Variants in AADAT observed in about 807,000 individuals in gnomAD.
AADAT encodes the protein kynurenine/alpha-aminoadipate aminotransferase, mitochondrial.
A neutral mutation model predicts 56.2 loss-of-function variants in AADAT; 25 were observed. The ratio of observed to expected loss-of-function variants is 0.44; its 90% CI spans 0.32 to 0.62. The LOEUF (loss-of-function observed/expected upper bound fraction) is 0.62, where lower values mean the gene tolerates loss of function less well. Among genes scored for constraint, AADAT ranks in the 20% least tolerant of loss-of-function variants. The pLI, the probability that AADAT is intolerant of heterozygous loss-of-function variation, is 0.04. For synonymous variants in AADAT, 173 were observed against 164.7 expected, an observed-to-expected ratio of 1.05 and a Z score of -0.39; for missense variants, 387 against 510.5, an observed-to-expected ratio of 0.76 and a Z score of 2.33.
intron 10 of AADAT, among the ~76,000 whole-genome samples, chr4:170,065,756 C>T (rs1025622330): frequency 1.3e-5 from 2 of 152,264 alleles, no homozygotes; most frequent in South Asian, 4.1e-4. Flanking sequence ...CCACCTTGGC[C>T]TCCCAAAGTG....
At chr4:170,079,042 G>A (rs1162900915) in intron 3 of AADAT, among the ~76,000 whole-genome samples, 1 of 152,128 alleles carries the variant, frequency 6.6e-6, no homozygotes, top group African/African-American at 2.4e-5. Flanking sequence ...AAATGACATG[G>A]TTCTTACTCT....
rs77948051 is a variant in AADAT, at chr4:170,086,158, T to C, written c.369+958A>G. On this transcript the variant is annotated intron_variant, in intron 3 of 12. Transcript: ENST00000337664. ...TACCTGGGAGGCTAAGGTGGAAGAATTGTTGGAGCCCAGGGAGGTCGAGAC... is the reference window on the plus strand; with the variant it reads ...TACCTGGGAGGCTAAGGTGGAAGAACTGTTGGAGCCCAGGGAGGTCGAGAC... Among the ~76,000 whole-genome samples the C allele has an allele frequency of 6.6e-3, 1,005 of 151,950 alleles. 14 individuals are homozygous for C. Among genetic ancestry groups the C allele is most frequent in the African/African-American group, 0.023 (941 of 41,452 alleles).
rs1423206512 is a variant in AADAT at position 170,089,810 on chromosome 4, TC to T, written c.-121del. 9 of 1,019,328 alleles carry T rather than the reference TC, an allele frequency of 8.8e-6. 1 individual carries two copies. In the South Asian group the frequency reaches 8.9e-5, roughly 10 times the overall value. The allele number at this position is 1,019,328 out of a possible 1,614,324, so 63.1% of individuals were successfully genotyped here. ...TCTGGCAACGCCACCGCGAGATGTG[TC>T]CCCCCGCTGCGTCTGGCTTCCCGCG... On this transcript the variant is annotated 5_prime_UTR_variant, in exon 1 of 13. Coordinates refer to ENST00000337664, the MANE Select transcript of AADAT (RefSeq NM_016228.4).
chr4:170,077,577 G>C (rs77083085), intron 4 of AADAT, among the ~76,000 whole-genome samples: 5,027 of 152,254 alleles, frequency 0.033, 280 homozygotes, highest in African/African-American at 0.11. Context: ...TCATCGCATT[G>C]AATTCCCCTA....
Position 170,087,094 on chromosome 4 carries a change from TG to T in AADAT, c.369+21del, listed in dbSNP as rs759748158. The T allele has an allele frequency of 4.3e-6, 7 of 1,612,784 alleles. No individual in the cohort carries two copies. The South Asian group carries it at 6.6e-5, about 15-fold the overall frequency. ...AATGCTTCCAATTCTACATTTTGGC[TG>T]AGTTTTCCTTTCAGTCTTACCTTAC... On this transcript the variant is annotated intron_variant, in intron 3 of 12. Transcript: ENST00000337664.
chr4:170,077,282 A>G (rs1732087040), intron 4 of AADAT, among the ~76,000 whole-genome samples: 1 of 152,218 alleles, frequency 6.6e-6, no homozygotes, highest in South Asian at 2.1e-4. Context: ...TGCTTAGGGT[A>G]GTATTAATAT....
At chr4:170,067,588 A>G (rs1353429059) in intron 8 of AADAT, among the ~76,000 whole-genome samples, 200 bp from the exon 9 acceptor site, 1 of 152,220 alleles carries the variant, frequency 6.6e-6, no homozygotes, top group Non-Finnish European at 1.5e-5. Flanking sequence ...AAATATTGAT[A>G]TACTATTTGT....
In AADAT at chr4:170,089,903, A is replaced by G. The variant is rs1732750644; in HGVS notation, c.-213T>C. 4 of 575,170 alleles carry G rather than the reference A, an allele frequency of 7.0e-6. No individual in the cohort carries two copies. Among genetic ancestry groups the G allele is most frequent in the Non-Finnish European group, 9.3e-6 (3 of 321,660 alleles). 35.6% of individuals were successfully genotyped at this position (575,170 alleles called of 1,614,324 possible). ...GCTGCGTTCGGTCTCCCGGTCCTAA[A>G]CGGGTCTGGGGCTGTGTGGCGAGCC... On this transcript the variant is annotated 5_prime_UTR_variant, in exon 1 of 13. Coordinates refer to ENST00000337664, the MANE Select transcript of AADAT (RefSeq NM_016228.4).
chr4:170,089,535 A>G, intron 1 of AADAT, 89 bp downstream of exon 1: 1 of 1,477,076 alleles, frequency 6.8e-7, no homozygotes, highest in Non-Finnish European at 9.4e-7. Context: ...CATGGATGCA[A>G]CCAAGCGGTG....
In AADAT at chr4:170,087,150, C is replaced by G. The variant is rs1187434478; in HGVS notation, c.335G>C (p.Cys112Ser). The change falls in exon 3 of 13, where the codon TGT becomes TCT. Residue 112 changes from cysteine to serine, a missense_variant. Physicochemically the swap from Cys to Ser is moderately radical, Grantham distance 112 (BLOSUM62 -1). Transcript: ENST00000337664. ...YPPSQGQMDL[C>S]VTSGSQQGLC... ...ACCTTGTTGGCTGCCAGATGTGACA[C>G]ATAGATCCATTTGTCCTTGACTGGG... The G allele has an allele frequency of 1.2e-6, 2 of 1,614,096 alleles. No homozygotes were observed. The highest frequency in any genetic ancestry group is 1.7e-5 in the Admixed American group (1 of 59,998).
At chr4:170,065,392 C>A (rs775495013) in intron 10 of AADAT, among the ~76,000 whole-genome samples, 2 of 151,978 alleles carry the variant, frequency 1.3e-5, no homozygotes, top group East Asian at 1.9e-4. Context: ...GCATAATGAT[C>A]TTTGATTTAA....
In AADAT at chr4:170,073,154, G is replaced by A. The variant is rs1326202883; in HGVS notation, c.636C>T (p.Arg212=). The A allele has an allele frequency of 1.9e-6, 3 of 1,612,622 alleles. No individual in the cohort carries two copies. Among genetic ancestry groups the A allele is most frequent in the Non-Finnish European group, 2.5e-6 (3 of 1,179,660 alleles). Residue 212 remains arginine, a synonymous_variant, in exon 5 of 13, where the codon CGC becomes CGT. Coordinates refer to ENST00000337664, the MANE Select transcript of AADAT (RefSeq NM_016228.4). ...NPTGNSLTSE[R]KKEIYELARK... is the part of the protein sequence containing the mutation. Reference sequence around the variant, plus strand: ...ACAATACCTCATAGATTTCCTTTTTGCGTTCACTGGTTAATGAGTTTCCAG... The same window carrying A: ...ACAATACCTCATAGATTTCCTTTTTACGTTCACTGGTTAATGAGTTTCCAG...
At chr4:170,074,491 T>C (rs2111177239) in intron 4 of AADAT, among the ~76,000 whole-genome samples, 1 of 152,124 alleles carries the variant, frequency 6.6e-6, no homozygotes, top group East Asian at 1.9e-4. Context: ...TGAATGTTTT[T>C]TGATAGAGTA....
At chr4:170,077,826 GT>G (rs1447576429) in intron 4 of AADAT, among the ~76,000 whole-genome samples, 1 of 152,216 alleles carries the variant, frequency 6.6e-6, no homozygotes, top group Non-Finnish European at 1.5e-5. Context: ...TTTGAGGACA[GT>G]TTTCATGCCT....
chr4:170,066,273 A>G, intron 10 of AADAT, 141 bp downstream of exon 10: 1 of 729,390 alleles, frequency 1.4e-6, no homozygotes, highest in Non-Finnish European at 2.4e-6. Flanking sequence ...TTCTGAGATG[A>G]TTTATGGTGT....
In AADAT at chr4:170,063,803, A is replaced by G. The variant is rs531235194; in HGVS notation, c.1134+916T>C. ...TAGCAGTAGGGTTTCAGTGTGTATAAAAGACTGACAAACATGCAAATGGCT... is the reference window on the plus strand; with the variant it reads ...TAGCAGTAGGGTTTCAGTGTGTATAGAAGACTGACAAACATGCAAATGGCT... On this transcript the variant is annotated intron_variant, in intron 11 of 12. Coordinates refer to ENST00000337664, the MANE Select transcript of AADAT (RefSeq NM_016228.4). Among the ~76,000 whole-genome samples, 3 of 152,352 alleles carry G rather than the reference A, an allele frequency of 2.0e-5. No homozygotes were observed. The East Asian group carries it at 5.8e-4, about 29-fold the overall frequency.
At chr4:170,078,072 C>T (rs562817874) in intron 4 of AADAT, among the ~76,000 whole-genome samples, 1 of 152,246 alleles carries the variant, frequency 6.6e-6, no homozygotes, top group Admixed American at 6.5e-5. Flanking sequence ...AATCACAGTT[C>T]CACGGATCTA....
Position 170,061,951 on chromosome 4 carries a change from C to T in AADAT, c.1177G>A (p.Ala393Thr). The change falls in exon 12 of 13, where the codon GCT becomes ACT. Residue 393 changes from alanine to threonine, a missense_variant. Coordinates refer to ENST00000337664, the MANE Select transcript of AADAT (RefSeq NM_016228.4). The part of the protein sequence containing the change: ...PGNAFYVDSS[A>T]PSPYLRASFS... ...GATGCTCTCAAGTAAGGGCTAGGAG[C>T]TGAGCTATCGACGTAGAAAGCATTT... 1 of 1,613,256 alleles carries T rather than the reference C, an allele frequency of 6.2e-7. No homozygotes were observed. Among genetic ancestry groups the T allele is most frequent in the South Asian group, 1.1e-5 (1 of 91,036 alleles).
intron 10 of AADAT, among the ~76,000 whole-genome samples, 170 bp from the exon 11 acceptor site, chr4:170,064,995 T>C (rs1046946006): frequency 6.6e-6 from 1 of 152,062 alleles, no homozygotes; most frequent in African/African-American, 2.4e-5. Context: ...TCAAAATTGA[T>C]GTTCTGGGTT....
Sources: gnomAD v4.1 joint callset for allele counts (sites outside exome capture counted in the v4.1 genomes callset) on GRCh38, gnomAD v4.1.1 for gene constraint, MANE v1.5 for transcripts, NCBI Gene and HGNC (gene_info 2026-07-23, HGNC 2026-07-21) for gene names.